The following RSRP1 variants were observed in gnomAD, a reference collection of about 807,000 sequenced individuals.
The protein encoded by RSRP1 is arginine and serine rich protein 1, also known as arginine/serine-rich protein 1.
A neutral mutation model predicts 33.0 loss-of-function variants in RSRP1; 37 were observed. The observed-to-expected ratio is 1.12, with a 90% CI of 0.86 to 1.48. The LOEUF is 1.48. Among genes scored for constraint, RSRP1 ranks in the 40% most tolerant of loss-of-function variants. The pLI, the probability that RSRP1 is intolerant of heterozygous loss-of-function variation, is 0.00. For missense variants in RSRP1, 402 were observed against 385.3 expected (o/e 1.04, Z -0.36); for synonymous variants, 167 against 158.7 (o/e 1.05, Z -0.40).
chr1:25,319,114 C>G lies in RSRP1; in HGVS notation c.-67+18864G>C, dbSNP rs564957432. Among the ~76,000 whole-genome samples the G allele has an allele frequency of 5.3e-5, 7 of 132,552 alleles. 1 individual carries two copies. The highest frequency in any genetic ancestry group is 1.8e-4 in the African/African-American group (7 of 38,984). 87.0% of individuals were successfully genotyped at this position (132,552 alleles called of 152,430 possible). A position where few individuals can be genotyped will look rare whatever the true frequency, so the allele number is the denominator to read the frequency against. ...GTATCCTGCATTTTATTTGGCAACC[C>G]TGTCCTGGGACTCACACTATTCACT... On this transcript the variant is annotated intron_variant, in intron 1 of 1. Coordinates refer to the RSRP1 transcript ENST00000561867.
rs778648558 is a variant in RSRP1 at position 25,319,233 on chromosome 1, G to T, written c.-67+18745C>A. Among the ~76,000 whole-genome samples the T allele has an allele frequency of 3.8e-5, 5 of 132,156 alleles. 1 individual carries two copies. Among genetic ancestry groups the T allele is most frequent in the Non-Finnish European group, 8.9e-5 (5 of 55,886 alleles). 86.7% of individuals were successfully genotyped at this position (132,156 alleles called of 152,430 possible). A position where few individuals can be genotyped will look rare whatever the true frequency, so the allele number is the denominator to read the frequency against. On this transcript the variant is annotated intron_variant, in intron 1 of 1. Transcript: ENST00000561867. ...CTTATTCTTCACTGGAGTCAAAAAAGAGAATAGAGGAAAAGACAATCATAT... is the reference window on the plus strand; with the variant it reads ...CTTATTCTTCACTGGAGTCAAAAAATAGAATAGAGGAAAAGACAATCATAT...
chr1:25,285,944 C>G (rs1641949520), intron 1 of RSRP1, among the ~76,000 whole-genome samples: 1 of 134,486 alleles, frequency 7.4e-6, no homozygotes, highest in African/African-American at 2.6e-5. Flanking sequence ...AGGAACTGTG[C>G]TGAGCACTCC....
intron 1 of RSRP1, among the ~76,000 whole-genome samples, chr1:25,285,073 CG>C (rs1641849137): frequency 7.5e-6 from 1 of 133,410 alleles, no homozygotes; most frequent in Non-Finnish European, 1.8e-5. Context: ...TTATGGAAAA[CG>C]TAAGAAGGAA....
At chr1:25,276,768 T>C (rs1180512238) in intron 1 of RSRP1, among the ~76,000 whole-genome samples, 1 of 131,106 alleles carries the variant, frequency 7.6e-6, no homozygotes, top group East Asian at 2.0e-4. Flanking sequence ...AATTTAAAAA[T>C]ATAAATAAAA....
chr1:25,262,274 G>C (rs1283402339), intron 1 of RSRP1, among the ~76,000 whole-genome samples: 1 of 152,164 alleles, frequency 6.6e-6, no homozygotes, highest in Non-Finnish European at 1.5e-5. Flanking sequence ...CAACCTGCTT[G>C]TAATTCACTT....
At chr1:25,309,143 A>G (rs1360551131) in intron 1 of RSRP1, among the ~76,000 whole-genome samples, 2 of 131,584 alleles carry the variant, frequency 1.5e-5, no homozygotes, top group African/African-American at 5.3e-5. Context: ...CACAAACAAT[A>G]TTTCCCAATT....
chr1:25,320,507 G>A (rs1227350292), intron 1 of RSRP1, among the ~76,000 whole-genome samples: 1 of 132,208 alleles, frequency 7.6e-6, no homozygotes, highest in South Asian at 2.3e-4. Flanking sequence ...GTTGTACCCT[G>A]CATGCCAATA....
intron 1 of RSRP1, among the ~76,000 whole-genome samples, chr1:25,268,804 C>T (rs1440003867): frequency 1.5e-5 from 2 of 129,078 alleles, no homozygotes; most frequent in African/African-American, 5.3e-5. Context: ...AAAAACTAGC[C>T]GGGTGTGGTA....
At position 25,303,734 on chromosome 1, in the gene RSRP1, T is replaced by C. The variant is rs1487354725; in HGVS notation, c.-67+34244A>G. ...TGTCACAGAACTCAAGGACAGGGAC[T>C]GGAGTGTTGTGGGGAGCCCCGAAGC... On this transcript the variant is annotated intron_variant, in intron 1 of 1. Coordinates refer to the RSRP1 transcript ENST00000561867. 1.5e-5 allele frequency among the ~76,000 whole-genome samples: 2 copies of C among 131,784 alleles called. 1 individual carries two copies. The highest frequency in any genetic ancestry group is 3.6e-5 in the Non-Finnish European group (2 of 55,634). The allele number at this position is 131,784 out of a possible 152,430, so 86.5% of individuals were successfully genotyped here. A position where few individuals can be genotyped will look rare whatever the true frequency, so the allele number is the denominator to read the frequency against.
chr1:25,333,693 G>T (rs145620407), intron 1 of RSRP1, among the ~76,000 whole-genome samples: 7,892 of 129,784 alleles, frequency 0.061, 1,556 homozygotes, highest in African/African-American at 0.19. Flanking sequence ...AAGAAAGAGA[G>T]GTTTAATGGA....
chr1:25,275,160 C>T lies in RSRP1; in HGVS notation c.-66-28131G>A, dbSNP rs370453627. ...CAAAAATTAGCCGGATGTGGTGGCA[C>T]GTGCCTGTAGTCCCAGCTGCTTGGG... On this transcript the variant is annotated intron_variant, in intron 1 of 1. Coordinates refer to the RSRP1 transcript ENST00000561867. Among the ~76,000 whole-genome samples, 51 of 131,498 alleles carry T rather than the reference C, an allele frequency of 3.9e-4. 4 individuals are homozygous for T. In the East Asian group the frequency reaches 1.0e-2, roughly 26 times the overall value. 86.3% of individuals were successfully genotyped at this position (131,498 alleles called of 152,430 possible). A position where few individuals can be genotyped will look rare whatever the true frequency, so the allele number is the denominator to read the frequency against.
upstream of RSRP1, among the ~76,000 whole-genome samples, chr1:25,250,614 G>C (rs901517034): frequency 1.3e-5 from 2 of 152,208 alleles, no homozygotes; most frequent in South Asian, 4.1e-4. Context: ...TAAGGTTAAG[G>C]ATCTGGAGAT....
chr1:25,246,305 G>T, intron 2 of RSRP1, 139 bp downstream of exon 2: 1 of 1,331,518 alleles, frequency 7.5e-7, no homozygotes, highest in Non-Finnish European at 1.0e-6. Flanking sequence ...TACAGGTAAT[G>T]TCCTCCCTCT....
At chr1:25,337,213 G>A (rs909354790) in intron 1 of RSRP1, 1 of 151,566 alleles carries the variant, frequency 6.6e-6, no homozygotes, top group Non-Finnish European at 1.5e-5. Flanking sequence ...ACCAGCTACC[G>A]GACAGGCACC....
chr1:25,274,832 C>A (rs1262971350), intron 1 of RSRP1, among the ~76,000 whole-genome samples: 1 of 132,248 alleles, frequency 7.6e-6, no homozygotes, highest in Non-Finnish European at 1.8e-5. Flanking sequence ...CATGGCAAAA[C>A]CGCATCTCTA....
chr1:25,333,827 T>C (rs1402421860), intron 1 of RSRP1, among the ~76,000 whole-genome samples: 1 of 130,108 alleles, frequency 7.7e-6, no homozygotes, highest in African/African-American at 2.6e-5. Flanking sequence ...CTCCCCCTTA[T>C]AGAGCCATCA....
Position 25,331,136 on chromosome 1 carries a change from T to C in RSRP1, c.-67+6842A>G, listed in dbSNP as rs1644998556. On this transcript the variant is annotated intron_variant, in intron 1 of 1. Transcript: ENST00000561867. Reference sequence around the variant, plus strand: ...GTGCCCACCATCATGCCTGGCTAATTTTTGTATTTTTAGTAGAGACAGGGT... The same window carrying C: ...GTGCCCACCATCATGCCTGGCTAATCTTTGTATTTTTAGTAGAGACAGGGT... Among the ~76,000 whole-genome samples the C allele has an allele frequency of 1.6e-5, 2 of 126,140 alleles. 1 individual carries two copies. The highest frequency in any genetic ancestry group is 3.7e-5 in the Non-Finnish European group (2 of 53,588). The allele number at this position is 126,140 out of a possible 152,430, so 82.8% of individuals were successfully genotyped here. A position where few individuals can be genotyped will look rare whatever the true frequency, so the allele number is the denominator to read the frequency against.
chr1:25,246,519 C>T lies in RSRP1; in HGVS notation c.445G>A (p.Glu149Lys). Residue 149 changes from glutamate (E) to lysine (K), a missense_variant, in exon 2 of 5, where the codon GAG becomes AAG. Glu to Lys is a moderately conservative substitution (Grantham distance 56, BLOSUM62 1). Coordinates refer to ENST00000243189, the MANE Select transcript of RSRP1 (RefSeq NM_020317.5). Reference protein sequence around the residue: ...YYGFGRTVYPEEHSRWRDRSR... With the variant: ...YYGFGRTVYPKEHSRWRDRSR... ...CTGTCCCTCCATCTGCTGTGCTCCT[C>T]CGGGTACACTGTGCGACCAAAGCCG... 1 of 1,614,266 alleles carries T rather than the reference C, an allele frequency of 6.2e-7. No homozygotes were observed. Among genetic ancestry groups the T allele is most frequent in the Non-Finnish European group, 8.5e-7 (1 of 1,180,044 alleles).
Position 25,331,377 on chromosome 1 carries a change from C to G in RSRP1, c.-67+6601G>C, listed in dbSNP as rs1391197754. On this transcript the variant is annotated intron_variant, in intron 1 of 1. Coordinates refer to the RSRP1 transcript ENST00000561867. Reference sequence around the variant, plus strand: ...AAGCACCTATTTCCAAATATAGTCACTTTAGGGGTTAGGGCTTCAAAAGAT... The same window carrying G: ...AAGCACCTATTTCCAAATATAGTCAGTTTAGGGGTTAGGGCTTCAAAAGAT... Among the ~76,000 whole-genome samples, 3 of 131,254 alleles carry G rather than the reference C, an allele frequency of 2.3e-5. 1 individual carries two copies. The highest frequency in any genetic ancestry group is 7.8e-5 in the African/African-American group (3 of 38,546). The allele number at this position is 131,254 out of a possible 152,430, so 86.1% of individuals were successfully genotyped here. A position where few individuals can be genotyped will look rare whatever the true frequency, so the allele number is the denominator to read the frequency against.
Sources: allele counts gnomAD v4.1 joint callset (sites outside exome capture counted in the v4.1 genomes callset), GRCh38; gene constraint gnomAD v4.1.1; transcripts MANE v1.5; gene names NCBI Gene and HGNC (gene_info 2026-07-23, HGNC 2026-07-21).